Variants in KLF12 observed in about 807,000 individuals in gnomAD.
KLF12 encodes the protein KLF transcription factor 12.
Under a neutral mutation model 37.8 loss-of-function variants are expected in KLF12, and 9 were observed. The ratio of observed to expected loss-of-function variants is 0.24; its 90% CI spans 0.14 to 0.42. The LOEUF is 0.42. Among genes scored for constraint, KLF12 ranks in the 10% least tolerant of loss-of-function variants. The pLI is 1.00. For synonymous variants in KLF12, 208 were observed against 202.1 expected (o/e 1.03, Z -0.25); for missense variants, 411 against 516.0 (o/e 0.80, Z 1.97).
intron 2 of KLF12, among the ~76,000 whole-genome samples, chr13:73,956,967 AGGAAAGGAGGGAAAGGAGGGAAG>A (rs1360568421): frequency 4.7e-5 from 7 of 150,306 alleles, no homozygotes. Flanking sequence ...AAAAAGGGAA[AGGAAAGGAGGGAAAGGAGGGAAG>A]GGAAAGGAGG....
At chr13:73,867,828 T>C (rs1168924324) in intron 3 of KLF12, among the ~76,000 whole-genome samples, 2 of 151,164 alleles carry the variant, frequency 1.3e-5, no homozygotes, top group South Asian at 2.1e-4. Flanking sequence ...CTTGAATTCC[T>C]GACCTCAGGC....
chr13:74,177,947 A>G, the KLF12 span, among the ~76,000 whole-genome samples: 1 of 152,242 alleles, frequency 6.6e-6, no homozygotes, highest in African/African-American at 2.4e-5. Context: ...ACACTTGAGC[A>G]TTGTGTTTGA....
intron 1 of KLF12, among the ~76,000 whole-genome samples, chr13:74,045,631 A>T (rs1345235954): frequency 1.4e-5 from 2 of 147,640 alleles, no homozygotes; most frequent in East Asian, 3.9e-4. Flanking sequence ...CGAAAATGAA[A>T]AAAAAAAAAA....
intron 1 of KLF12, among the ~76,000 whole-genome samples, chr13:74,046,442 T>C (rs1254335599): frequency 2.6e-5 from 4 of 151,950 alleles, no homozygotes; most frequent in Non-Finnish European, 5.9e-5. Context: ...AATTTAAAAA[T>C]AAATATTATA....
intron 1 of KLF12, among the ~76,000 whole-genome samples, chr13:74,007,778 A>C (rs1156414338): frequency 6.6e-6 from 1 of 152,186 alleles, no homozygotes; most frequent in African/African-American, 2.4e-5. Context: ...TGATTTTCGT[A>C]TGCAGACATA....
At chr13:73,872,879 G>A (rs962392586) in intron 3 of KLF12, among the ~76,000 whole-genome samples, 1 of 152,182 alleles carries the variant, frequency 6.6e-6, no homozygotes, top group African/African-American at 2.4e-5. Context: ...AGGCTCAGCT[G>A]TGCAAACCAG....
intron 3 of KLF12, among the ~76,000 whole-genome samples, chr13:73,912,836 T>C (rs1009676427): frequency 3.3e-5 from 5 of 152,168 alleles, no homozygotes; most frequent in Non-Finnish European, 7.4e-5. Context: ...AGGTTTTACA[T>C]TCCTTCTACA....
intron 2 of KLF12, among the ~76,000 whole-genome samples, chr13:73,952,400 T>C (rs1444723920): frequency 6.6e-6 from 1 of 152,070 alleles, no homozygotes; most frequent in Admixed American, 6.5e-5. Flanking sequence ...TGCTACACAC[T>C]TTCAAACAAC....
chr13:73,788,810 T>C (rs1881502762), intron 5 of KLF12, among the ~76,000 whole-genome samples: 1 of 152,176 alleles, frequency 6.6e-6, no homozygotes, highest in African/African-American at 2.4e-5. Flanking sequence ...AGTATGAAAC[T>C]TGCACCTACC....
intron 2 of KLF12, among the ~76,000 whole-genome samples, chr13:73,981,107 C>T (rs1262725514): frequency 6.6e-6 from 1 of 152,166 alleles, no homozygotes; most frequent in Non-Finnish European, 1.5e-5. Context: ...CTACAGTGAG[C>T]TGTGTTTGTG....
chr13:74,068,267 T>G (rs141441500), intron 1 of KLF12, among the ~76,000 whole-genome samples: 257 of 152,350 alleles, frequency 1.7e-3, no homozygotes, highest in African/African-American at 5.8e-3. Context: ...TTTGAAAAAT[T>G]TTAAAGATTC....
the KLF12 span, among the ~76,000 whole-genome samples, chr13:74,284,899 T>A: frequency 6.6e-6 from 1 of 152,200 alleles, no homozygotes; most frequent in East Asian, 1.9e-4. Context: ...TATTTGAAAG[T>A]GTAAATATGT....
intron 3 of KLF12, among the ~76,000 whole-genome samples, chr13:73,882,266 G>A (rs1887016604): frequency 6.6e-6 from 1 of 152,138 alleles, no homozygotes; most frequent in Non-Finnish European, 1.5e-5. Context: ...ATTTGAAGAA[G>A]ATACTCTTTT....
chr13:74,072,409 A>C (rs1490392410), intron 1 of KLF12, among the ~76,000 whole-genome samples: 1 of 137,004 alleles, frequency 7.3e-6, no homozygotes, highest in Non-Finnish European at 1.6e-5. Context: ...ATATATATAA[A>C]AGATTATCTA....
intron 1 of KLF12, among the ~76,000 whole-genome samples, chr13:74,006,967 AT>A (rs993024591): frequency 1.3e-5 from 2 of 152,036 alleles, no homozygotes; most frequent in Non-Finnish European, 2.9e-5. Context: ...AATTTACATT[AT>A]TTTTTTCCAG....
chr13:73,703,248 T>C (rs1874685587), intron 7 of KLF12, among the ~76,000 whole-genome samples: 1 of 152,170 alleles, frequency 6.6e-6, no homozygotes, highest in South Asian at 2.1e-4. Flanking sequence ...TTTACAAAAT[T>C]CAGGGTATTT....
At chr13:73,992,467 GT>G (rs1201882008) in intron 2 of KLF12, among the ~76,000 whole-genome samples, 1 of 152,062 alleles carries the variant, frequency 6.6e-6, no homozygotes, top group East Asian at 1.9e-4. Context: ...TTTTTTGTTT[GT>G]TTTTGTTTTT....
At chr13:74,122,774 T>C (rs773279850) in intron 1 of KLF12, among the ~76,000 whole-genome samples, 3 of 150,980 alleles carry the variant, frequency 2.0e-5, no homozygotes, top group Non-Finnish European at 4.4e-5. Context: ...GATAAAAGAG[T>C]TTCAAAAAAA....
intron 4 of KLF12, among the ~76,000 whole-genome samples, chr13:73,825,094 C>A (rs1359094932): frequency 6.6e-6 from 1 of 151,740 alleles, no homozygotes; most frequent in African/African-American, 2.4e-5. Context: ...TAGAAATATG[C>A]ATTCTCTGTG....
Sources: allele counts gnomAD v4.1 joint callset (sites outside exome capture counted in the v4.1 genomes callset), GRCh38; gene constraint gnomAD v4.1.1; transcripts MANE v1.5; gene names NCBI Gene and HGNC (gene_info 2026-07-23, HGNC 2026-07-21).